The following ESRRG variants were observed in gnomAD, a reference collection of about 807,000 sequenced individuals.
ESRRG encodes estrogen-related receptor gamma.
ESRRG carries 13 observed loss-of-function variants against 44.0 expected under a neutral mutation model. The observed-to-expected ratio is 0.30, with a 90% CI of 0.19 to 0.47. The LOEUF (loss-of-function observed/expected upper bound fraction) is 0.47. ESRRG is among the 20% of genes least tolerant of loss of function. ESRRG has a pLI of 1.00. For missense variants in ESRRG, 395 were observed against 580.6 expected, an observed-to-expected ratio of 0.68 and a Z score of 3.29; for synonymous variants, 215 against 214.6, an observed-to-expected ratio of 1.00 and a Z score of -0.02.
intron 5 of ESRRG, among the ~76,000 whole-genome samples, chr1:216,549,113 G>A (rs1489182374): frequency 1.3e-5 from 2 of 151,998 alleles, no homozygotes; most frequent in African/African-American, 4.8e-5. Flanking sequence ...GGTGCACCAA[G>A]GTCATATAAA....
intron 1 of ESRRG, among the ~76,000 whole-genome samples, chr1:217,085,643 A>C (rs2092043247): frequency 1.3e-5 from 2 of 151,866 alleles, no homozygotes; most frequent in Admixed American, 6.6e-5. Context: ...GGTGCGCACC[A>C]CCACACCCAG....
At chr1:217,095,992 G>T (rs527871743) in intron 1 of ESRRG, among the ~76,000 whole-genome samples, 1 of 152,214 alleles carries the variant, frequency 6.6e-6, no homozygotes, top group Non-Finnish European at 1.5e-5. Flanking sequence ...GGTAATAAAA[G>T]TGTGAAAAAT....
chr1:216,702,598 ACT>A lies in ESRRG; in HGVS notation c.56+20644_56+20645del, dbSNP rs1491155565. On this transcript the variant is annotated intron_variant, in intron 1 of 6. Transcript: ENST00000408911. Reference sequence around the variant, plus strand: ...GCCAACATGGCAAAACCCCATCTTTACTAAAAATACAAAAAAAAAAAAAAGAA... The same window carrying A: ...GCCAACATGGCAAAACCCCATCTTTAAAAAATACAAAAAAAAAAAAAAGAA... Among the ~76,000 whole-genome samples, 13 of 85,114 alleles carry A rather than the reference ACT, an allele frequency of 1.5e-4. No individual in the cohort carries two copies. The Admixed American group carries it at 1.6e-3, about 10-fold the overall frequency. 55.8% of individuals were successfully genotyped at this position (85,114 alleles called of 152,430 possible). A position where few individuals can be genotyped will look rare whatever the true frequency, so the allele number is the denominator to read the frequency against.
At chr1:216,825,218 CCTT>C (rs2095370185) in intron 2 of ESRRG, among the ~76,000 whole-genome samples, 1 of 152,190 alleles carries the variant, frequency 6.6e-6, no homozygotes, top group African/African-American at 2.4e-5. Context: ...AGAGACAAGT[CCTT>C]CTTCCACAAC....
chr1:216,845,405 A>G (rs2095727779), intron 2 of ESRRG, among the ~76,000 whole-genome samples: 1 of 152,160 alleles, frequency 6.6e-6, no homozygotes, highest in African/African-American at 2.4e-5. Flanking sequence ...GATAGGGTAT[A>G]ATTTATTCCA....
chr1:216,782,679 AT>A (rs2093978949), intron 2 of ESRRG, among the ~76,000 whole-genome samples: 2 of 152,142 alleles, frequency 1.3e-5, no homozygotes, highest in South Asian at 2.1e-4. Flanking sequence ...ATGCTATAAC[AT>A]TTTGTCAATA....
chr1:217,025,470 T>C (rs2081037197), intron 1 of ESRRG, among the ~76,000 whole-genome samples: 2 of 152,148 alleles, frequency 1.3e-5, no homozygotes, highest in South Asian at 2.1e-4. Flanking sequence ...GGTAAATCAA[T>C]TGGGAAAAAA....
intron 1 of ESRRG, among the ~76,000 whole-genome samples, chr1:217,061,047 C>T (rs1182086877): frequency 6.6e-6 from 1 of 151,620 alleles, no homozygotes; most frequent in South Asian, 2.1e-4. Context: ...CATAAGGGAT[C>T]TTATGGATTT....
chr1:216,513,629 G>T (rs2043347434), intron 6 of ESRRG, among the ~76,000 whole-genome samples: 1 of 152,016 alleles, frequency 6.6e-6, no homozygotes, highest in Non-Finnish European at 1.5e-5. Context: ...AACCTCCATG[G>T]TCGTGGTTGT....
rs1344330840 is a variant in ESRRG, at chr1:216,506,573, G to A, written c.*366C>T. On this transcript the variant is annotated 3_prime_UTR_variant, in exon 7 of 7. Transcript: ENST00000408911. ...AGAAAAAAGGGGAAGGATGAGAAAA[G>A]AGAGGAATGAGAGTAGGTAAAGAAA... is the stretch of plus-strand genomic sequence containing the variant. 1 of 459,650 alleles carries A rather than the reference G, an allele frequency of 2.2e-6. No homozygotes were observed. Among genetic ancestry groups the A allele is most frequent in the Non-Finnish European group, 4.3e-6 (1 of 231,994 alleles). The allele number at this position is 459,650 out of a possible 1,614,324, so 28.5% of individuals were successfully genotyped here.
chr1:216,894,715 T>A (rs1006431374), intron 2 of ESRRG, among the ~76,000 whole-genome samples: 1 of 152,050 alleles, frequency 6.6e-6, no homozygotes, highest in Non-Finnish European at 1.5e-5. Context: ...AACCAGCACA[T>A]GTTCACCAGA....
intron 1 of ESRRG, among the ~76,000 whole-genome samples, chr1:217,046,902 G>A (rs1330552647): frequency 6.6e-6 from 1 of 152,004 alleles, no homozygotes; most frequent in Non-Finnish European, 1.5e-5. Flanking sequence ...AAAGGGGGGG[G>A]AATGGAAGAT....
intron 2 of ESRRG, among the ~76,000 whole-genome samples, chr1:216,875,170 G>C (rs550563933): frequency 2.0e-5 from 3 of 151,998 alleles, no homozygotes; most frequent in African/African-American, 7.3e-5. Context: ...TCTTCCTCTA[G>C]AGAACCCTAA....
chr1:216,554,330 T>C (rs1456788661), intron 5 of ESRRG, among the ~76,000 whole-genome samples: 1 of 152,000 alleles, frequency 6.6e-6, no homozygotes, highest in African/African-American at 2.4e-5. Flanking sequence ...GGCATGCACC[T>C]GTAATCCCAG....
intron 2 of ESRRG, among the ~76,000 whole-genome samples, chr1:216,836,950 A>G (rs2148821505): frequency 6.6e-6 from 1 of 152,258 alleles, no homozygotes; most frequent in African/African-American, 2.4e-5. Context: ...ACAAACAAAA[A>G]CACACCACAG....
Position 216,649,077 on chromosome 1 carries a change from T to C in ESRRG, c.589+1896A>G, listed in dbSNP as rs370103160. 4.4e-3 allele frequency among the ~76,000 whole-genome samples: 670 copies of C among 152,206 alleles called. 5 individuals are homozygous for C. The highest frequency in any genetic ancestry group is 0.016 in the African/African-American group (646 of 41,546). ...CGTAAGCTACCACCATCATCCTAAC[T>C]GAAAGAAAAACTCTGTCATGTGGGT... On this transcript the variant is annotated intron_variant, in intron 3 of 6. Coordinates refer to ENST00000408911, the MANE Select transcript of ESRRG (RefSeq NM_001438.4).
At chr1:217,013,494 A>G (rs891406095) in intron 1 of ESRRG, among the ~76,000 whole-genome samples, 1 of 152,226 alleles carries the variant, frequency 6.6e-6, no homozygotes, top group Non-Finnish European at 1.5e-5. Flanking sequence ...AATACATTAC[A>G]GCTTTTTGAA....
chr1:216,697,961 G>A (rs1412578256), intron 1 of ESRRG, among the ~76,000 whole-genome samples: 5 of 152,230 alleles, frequency 3.3e-5, no homozygotes, highest in South Asian at 2.1e-4. Context: ...AACAATCCAC[G>A]GTATGAACAC....
chr1:217,135,546 G>T (rs2093037522), intron 1 of ESRRG, among the ~76,000 whole-genome samples: 1 of 151,576 alleles, frequency 6.6e-6, no homozygotes, highest in Non-Finnish European at 1.5e-5. Context: ...GGCGGCGGCG[G>T]TGTTGGCGGC....
Sources: gnomAD v4.1 joint callset for allele counts (sites outside exome capture counted in the v4.1 genomes callset) on GRCh38, gnomAD v4.1.1 for gene constraint, MANE v1.5 for transcripts, NCBI Gene and HGNC (gene_info 2026-07-23, HGNC 2026-07-21) for gene names.